SYT1: variants seen among roughly 807,000 people sequenced by gnomAD.
The protein encoded by SYT1 is synaptotagmin-1.
A neutral mutation model predicts 44.8 loss-of-function variants in SYT1; 8 were observed. The observed-to-expected ratio is 0.18, with a 90% CI of 0.10 to 0.32. The LOEUF is 0.32. SYT1 is among the 10% of genes least tolerant of loss of function. The pLI, the probability that SYT1 is intolerant of heterozygous loss-of-function variation, is 1.00. For synonymous variants in SYT1, 154 were observed against 188.8 expected (o/e 0.82, Z 1.51); for missense variants, 286 against 509.3 (o/e 0.56, Z 4.22).
intron 1 of SYT1, among the ~76,000 whole-genome samples, chr12:78,881,778 AGAG>A (rs905091478): frequency 1.3e-5 from 2 of 151,648 alleles, no homozygotes; most frequent in Admixed American, 1.3e-4. Flanking sequence ...AGAAAAAAAA[AGAG>A]GAGATAAAAG....
At chr12:78,891,093 G>T (rs1875028392) in intron 1 of SYT1, among the ~76,000 whole-genome samples, 1 of 151,754 alleles carries the variant, frequency 6.6e-6, no homozygotes, top group East Asian at 1.9e-4. Context: ...TTGGTTTATT[G>T]TTTGTTTTAT....
intron 3 of SYT1, among the ~76,000 whole-genome samples, chr12:79,190,667 G>C (rs74439345): frequency 0.014 from 2,099 of 152,168 alleles, 41 homozygotes; most frequent in African/African-American, 0.048. Context: ...TAGACTATAT[G>C]CCCTTCATTT....
intron 8 of SYT1, chr12:79,341,209 A>T (rs1882358302): frequency 6.6e-6 from 1 of 152,186 alleles, no homozygotes; most frequent in Non-Finnish European, 1.5e-5. Context: ...CACTGTTTAG[A>T]AGTCATTTAT....
chr12:79,403,555 T>A (rs1378425983), intron 9 of SYT1, among the ~76,000 whole-genome samples: 1 of 152,196 alleles, frequency 6.6e-6, no homozygotes, highest in Non-Finnish European at 1.5e-5. Flanking sequence ...AATCTCATTC[T>A]GGGGTGCTAA....
intron 3 of SYT1, among the ~76,000 whole-genome samples, chr12:79,087,139 GT>G (rs1300214805): frequency 6.6e-6 from 1 of 152,100 alleles, no homozygotes; most frequent in African/African-American, 2.4e-5. Context: ...ATATGTCTTT[GT>G]TTTGAATTAA....
chr12:79,433,919 T>C (rs564776889), intron 9 of SYT1, among the ~76,000 whole-genome samples: 7 of 152,194 alleles, frequency 4.6e-5, no homozygotes, highest in Non-Finnish European at 1.0e-4. Flanking sequence ...ATGCCCCACC[T>C]GAGAATTCTT....
At chr12:79,225,196 C>T (rs187412930) in intron 4 of SYT1, among the ~76,000 whole-genome samples, 13 of 150,910 alleles carry the variant, frequency 8.6e-5, no homozygotes, top group African/African-American at 2.7e-4. Flanking sequence ...TGCAATAATC[C>T]GGATGAGAGA....
chr12:79,283,546 C>A (rs1375355968), intron 4 of SYT1, among the ~76,000 whole-genome samples: 1 of 152,056 alleles, frequency 6.6e-6, no homozygotes, highest in Non-Finnish European at 1.5e-5. Flanking sequence ...CCACACAAGT[C>A]CAACTGGGAG....
At chr12:79,336,759 A>T (rs2139031671) in intron 8 of SYT1, among the ~76,000 whole-genome samples, 1 of 152,316 alleles carries the variant, frequency 6.6e-6, no homozygotes, top group Admixed American at 6.5e-5. Flanking sequence ...CCTCTGGAAT[A>T]GCTGGGATGA....
At chr12:79,096,184 CT>C (rs770999856) in intron 3 of SYT1, among the ~76,000 whole-genome samples, 9 of 151,896 alleles carry the variant, frequency 5.9e-5, no homozygotes, top group Non-Finnish European at 1.2e-4. Flanking sequence ...CTTTAATTCC[CT>C]TTTCCTGTGA....
chr12:79,137,649 A>G (rs766787927), intron 3 of SYT1, among the ~76,000 whole-genome samples: 13 of 152,232 alleles, frequency 8.5e-5, no homozygotes, highest in Non-Finnish European at 1.6e-4. Flanking sequence ...AAATTAAACT[A>G]TAAGTATAAA....
chr12:78,960,354 C>G (rs1048773488), intron 1 of SYT1: 1 of 152,138 alleles, frequency 6.6e-6, no homozygotes, highest in African/African-American at 2.4e-5. Flanking sequence ...AAAATCAGTG[C>G]TCATTTCTTG....
intron 9 of SYT1, among the ~76,000 whole-genome samples, chr12:79,435,107 CT>C (rs1305954774): frequency 6.6e-6 from 1 of 152,084 alleles, no homozygotes; most frequent in Non-Finnish European, 1.5e-5. Context: ...TGTAGACTGT[CT>C]TTTCCCTTGG....
chr12:79,251,540 T>C (rs1323276131), intron 4 of SYT1, among the ~76,000 whole-genome samples: 1 of 152,128 alleles, frequency 6.6e-6, no homozygotes. Context: ...AAAGAGTAAG[T>C]TGGTGGATGA....
intron 3 of SYT1, among the ~76,000 whole-genome samples, chr12:79,139,981 T>A (rs977484498): frequency 6.6e-6 from 1 of 152,200 alleles, no homozygotes; most frequent in Non-Finnish European, 1.5e-5. Context: ...GTCCCTGATT[T>A]ATTTAACAAG....
chr12:78,946,705 A>G (rs1878677407), intron 1 of SYT1, among the ~76,000 whole-genome samples: 1 of 152,098 alleles, frequency 6.6e-6, no homozygotes, highest in Non-Finnish European at 1.5e-5. Flanking sequence ...AAAAAAGAAA[A>G]AAAAAGAAAA....
chr12:79,105,970 C>T (rs1461599887), intron 3 of SYT1, among the ~76,000 whole-genome samples: 2 of 151,324 alleles, frequency 1.3e-5, no homozygotes, highest in Non-Finnish European at 2.9e-5. Context: ...TAGAGGTTAA[C>T]TTGGCAGGAC....
At position 79,323,806 on chromosome 12, in the gene SYT1, AAAATTATATAT is replaced by A. The variant is rs202158868; in HGVS notation, c.810+24268_810+24278del. 7.8e-3 allele frequency among the ~76,000 whole-genome samples: 1,180 copies of A among 151,416 alleles called. 4 individuals are homozygous for A. Among genetic ancestry groups the A allele is most frequent in the Non-Finnish European group, 0.013 (855 of 67,842 alleles). On this transcript the variant is annotated intron_variant, in intron 8 of 10. Transcript: ENST00000261205. Reference sequence around the variant, plus strand: ...ATGTTAAATAGAAAAAGCAAAATATAAAATTATATATAAATTATATATATATGCTTTTGTAG... The same window carrying A: ...ATGTTAAATAGAAAAAGCAAAATATAAAATTATATATATATGCTTTTGTAG...
chr12:79,354,744 A>G (rs992892307), intron 9 of SYT1, among the ~76,000 whole-genome samples: 2 of 152,210 alleles, frequency 1.3e-5, no homozygotes, highest in Non-Finnish European at 2.9e-5. Flanking sequence ...CTCTAGAAGT[A>G]TAGAGTATTT....
Sources: allele counts gnomAD v4.1 joint callset (sites outside exome capture counted in the v4.1 genomes callset), GRCh38; gene constraint gnomAD v4.1.1; transcripts MANE v1.5; gene names NCBI Gene and HGNC (gene_info 2026-07-23, HGNC 2026-07-21).